Variants in HTR1E observed in about 807,000 individuals in gnomAD.
HTR1E encodes 5-hydroxytryptamine receptor 1E, also known as 5-HT-1E.
A neutral mutation model predicts 3.4 loss-of-function variants in HTR1E; 3 were observed. The ratio of observed to expected loss-of-function variants is 0.89; its 90% CI spans 0.41 to 2.31. The LOEUF is 2.31. HTR1E is among the 30% of genes most tolerant of loss of function. The pLI is 0.05. For missense variants in HTR1E, 392 were observed against 467.0 expected (o/e 0.84, Z 1.48); for synonymous variants, 170 against 182.8 (o/e 0.93, Z 0.56).
chr6:86,949,319 A>T (rs1248893517), intron 1 of HTR1E, among the ~76,000 whole-genome samples: 1 of 152,226 alleles, frequency 6.6e-6, no homozygotes, highest in Non-Finnish European at 1.5e-5. Flanking sequence ...TGCTTAAAAC[A>T]GTATCTGGTA....
At chr6:86,943,667 C>G (rs141215895) in intron 1 of HTR1E, among the ~76,000 whole-genome samples, 1 of 152,306 alleles carries the variant, frequency 6.6e-6, no homozygotes, top group East Asian at 1.9e-4. Flanking sequence ...TCCAGAAAGC[C>G]AGGTTCATAT....
chr6:87,010,437 GA>G (rs1768201279), intron 1 of HTR1E, among the ~76,000 whole-genome samples: 1 of 150,732 alleles, frequency 6.6e-6, no homozygotes, highest in African/African-American at 2.4e-5. Flanking sequence ...CAGTAGGGGC[GA>G]CCGGGCAGAG....
chr6:86,977,843 G>A (rs1227940800), intron 1 of HTR1E, among the ~76,000 whole-genome samples: 2 of 151,986 alleles, frequency 1.3e-5, no homozygotes, highest in African/African-American at 2.4e-5. Context: ...ATGTTTGTTG[G>A]CTGCTTGTAT....
At chr6:86,998,938 G>C (rs1767980068) in intron 1 of HTR1E, among the ~76,000 whole-genome samples, 1 of 151,904 alleles carries the variant, frequency 6.6e-6, no homozygotes, top group African/African-American at 2.4e-5. Context: ...GTTTTGGGGG[G>C]GTTGTTTTTT....
intron 1 of HTR1E, among the ~76,000 whole-genome samples, chr6:86,996,533 A>G (rs1222238366): frequency 6.6e-6 from 1 of 152,148 alleles, no homozygotes; most frequent in Non-Finnish European, 1.5e-5. Flanking sequence ...TAATATCAGT[A>G]AAATGTTATC....
chr6:86,992,323 T>C (rs1767880184), intron 1 of HTR1E, among the ~76,000 whole-genome samples: 1 of 152,172 alleles, frequency 6.6e-6, no homozygotes. Flanking sequence ...TATAGAAACA[T>C]AGAGTTGTGT....
chr6:86,943,744 C>A (rs1251273082), intron 1 of HTR1E, among the ~76,000 whole-genome samples: 1 of 152,064 alleles, frequency 6.6e-6, no homozygotes, highest in Non-Finnish European at 1.5e-5. Flanking sequence ...TGTTGGGGCT[C>A]ACATAACAGT....
chr6:87,012,766 A>G (rs930720530), intron 1 of HTR1E, among the ~76,000 whole-genome samples: 3 of 152,198 alleles, frequency 2.0e-5, no homozygotes, highest in African/African-American at 7.2e-5. Flanking sequence ...AACACATTTG[A>G]TCTTCACACT....
chr6:86,958,690 G>A (rs568971605), intron 1 of HTR1E, among the ~76,000 whole-genome samples: 14 of 152,312 alleles, frequency 9.2e-5, no homozygotes, highest in African/African-American at 2.9e-4. Context: ...AAACTCTGAA[G>A]GAGCAGGGGC....
At chr6:86,992,103 C>T (rs1767877456) in intron 1 of HTR1E, among the ~76,000 whole-genome samples, 1 of 152,126 alleles carries the variant, frequency 6.6e-6, no homozygotes, top group South Asian at 2.1e-4. Flanking sequence ...CACTTACAAC[C>T]CTTAGTCTCA....
Position 86,960,004 on chromosome 6 carries a change from ACTAT to A in HTR1E, c.-186+22185_-186+22188del, listed in dbSNP as rs1767382507. On this transcript the variant is annotated intron_variant, in intron 1 of 1. Transcript: ENST00000305344. ...TACAAGTAAGTACATTGAAATGCAG[ACTAT>A]CTAAATAAGCAAACTGAAGAGGCAC... Among the ~76,000 whole-genome samples, 6 of 152,202 alleles carry A rather than the reference ACTAT, an allele frequency of 3.9e-5. 1 individual carries two copies. The South Asian group carries it at 1.2e-3, about 31-fold the overall frequency.
intron 1 of HTR1E, among the ~76,000 whole-genome samples, chr6:86,957,446 T>C (rs541410997): frequency 6.6e-6 from 1 of 152,356 alleles, no homozygotes; most frequent in South Asian, 2.1e-4. Flanking sequence ...TCTTACCATA[T>C]ATTCTAGCCA....
At chr6:86,955,389 A>T (rs1767306697) in intron 1 of HTR1E, among the ~76,000 whole-genome samples, 1 of 152,190 alleles carries the variant, frequency 6.6e-6, no homozygotes, top group Non-Finnish European at 1.5e-5. Flanking sequence ...GAGAAATGGA[A>T]CTTCTCTCAC....
At chr6:87,007,577 T>A (rs1049589863) in intron 1 of HTR1E, among the ~76,000 whole-genome samples, 3 of 152,170 alleles carry the variant, frequency 2.0e-5, no homozygotes, top group Admixed American at 2.0e-4. Context: ...TATCAAAATA[T>A]CTCATATACC....
chr6:86,962,495 T>C (rs1767422980), intron 1 of HTR1E, among the ~76,000 whole-genome samples: 2 of 152,228 alleles, frequency 1.3e-5, no homozygotes, highest in Non-Finnish European at 2.9e-5. Context: ...GCATTACTCA[T>C]GTGTTTGTGG....
In HTR1E at chr6:87,016,151, G is replaced by T. The variant is rs765204318; in HGVS notation, c.817G>T (p.Asp273Tyr). ...GATCCCCCCCTTCGACAATGATCTA[G>T]ATCACCCAGGAGAACGTCAGCAGAT... is the stretch of plus-strand genomic sequence containing the variant. ...IRIPPFDNDL[D>Y]HPGERQQISS... Residue 273 changes from aspartate (D) to tyrosine (Y), a missense_variant, in exon 2 of 2, where the codon GAT becomes TAT. Transcript: ENST00000305344. 6.2e-7 allele frequency: 1 copy of T among 1,614,108 alleles called. No individual in the cohort carries two copies. Among genetic ancestry groups the T allele is most frequent in the Non-Finnish European group, 8.5e-7 (1 of 1,180,016 alleles).
chr6:86,938,999 G>A (rs1046271182), intron 1 of HTR1E, among the ~76,000 whole-genome samples: 5 of 152,176 alleles, frequency 3.3e-5, no homozygotes, highest in African/African-American at 7.2e-5. Context: ...AAGCAGGCAC[G>A]TGGGTCTGAT....
chr6:87,005,886 T>C (rs1010483685), intron 1 of HTR1E, among the ~76,000 whole-genome samples: 3 of 152,028 alleles, frequency 2.0e-5, no homozygotes, highest in African/African-American at 7.2e-5. Context: ...AACAACTCTA[T>C]TGGAAAAAAA....
intron 1 of HTR1E, among the ~76,000 whole-genome samples, chr6:87,007,718 T>G (rs569613456): frequency 3.3e-5 from 5 of 152,296 alleles, no homozygotes; most frequent in African/African-American, 1.2e-4. Context: ...GTGGATCACT[T>G]GAGCTCAAGA....
Sources: allele counts gnomAD v4.1 joint callset (sites outside exome capture counted in the v4.1 genomes callset), GRCh38; gene constraint gnomAD v4.1.1; transcripts MANE v1.5; gene names NCBI Gene and HGNC (gene_info 2026-07-23, HGNC 2026-07-21).